The following COL11A1 variants were observed in gnomAD, a reference collection of about 807,000 sequenced individuals.
COL11A1 encodes collagen alpha-1(XI) chain.
In COL11A1, 74 loss-of-function variants were observed where a neutral mutation model predicts 265.2. The observed-to-expected ratio is 0.28, with a 90% CI of 0.23 to 0.34. The LOEUF (loss-of-function observed/expected upper bound fraction) is 0.34. Ranked by LOEUF, COL11A1 falls within the 10% of genes least tolerant of loss-of-function variation. The probability of loss-of-function intolerance (pLI) is 1.00; values close to 1 mark genes in which losing one functional copy is unlikely to be tolerated. For missense variants in COL11A1, 2,165 were observed against 2,263.6 expected (o/e 0.96, Z 0.88); for synonymous variants, 816 against 727.6 (o/e 1.12, Z -1.96).
At chr1:102,966,835 C>A (rs973626225) in intron 37 of COL11A1, among the ~76,000 whole-genome samples, 1 of 152,130 alleles carries the variant, frequency 6.6e-6, no homozygotes, top group Non-Finnish European at 1.5e-5. Flanking sequence ...TATTTATAAA[C>A]CTCTAATCAG....
chr1:102,917,737 G>T (rs1655509114), intron 49 of COL11A1, among the ~76,000 whole-genome samples: 1 of 151,694 alleles, frequency 6.6e-6, no homozygotes, highest in South Asian at 2.1e-4. Context: ...ATGATATGTG[G>T]TAAAAAGATA....
At chr1:102,939,869 C>G (rs969627772) in intron 43 of COL11A1, among the ~76,000 whole-genome samples, 1 of 152,002 alleles carries the variant, frequency 6.6e-6, no homozygotes, top group Non-Finnish European at 1.5e-5. Context: ...ATTTAACACA[C>G]AGCCATACAT....
intron 1 of COL11A1, among the ~76,000 whole-genome samples, chr1:103,084,582 A>T (rs1178762103): frequency 1.4e-5 from 2 of 142,950 alleles, no homozygotes; most frequent in Middle Eastern, 3.4e-3. Flanking sequence ...CACTACATGA[A>T]ATATGCCATT....
chr1:103,020,663 C>A (rs1666970711), intron 9 of COL11A1, among the ~76,000 whole-genome samples: 1 of 84,410 alleles, frequency 1.2e-5, no homozygotes, highest in Non-Finnish European at 2.4e-5. Flanking sequence ...AAGTCCTTGC[C>A]CATGCCTATG....
rs1333807243 is a variant in COL11A1 at position 102,877,346 on chromosome 1, G to A, written c.*673C>T. ...GCAAAATGACTGTCGGCAGAGAAGAGTTGATCAGAGTGTGCTTCCAAAAGT... is the reference window on the plus strand; with the variant it reads ...GCAAAATGACTGTCGGCAGAGAAGAATTGATCAGAGTGTGCTTCCAAAAGT... On this transcript the variant is annotated 3_prime_UTR_variant, in exon 67 of 67. Transcript: ENST00000370096. The A allele has an allele frequency of 6.6e-6, 1 of 152,566 alleles. No homozygotes were observed. The highest frequency in any genetic ancestry group is 2.4e-5 in the African/African-American group (1 of 41,456). The allele number at this position is 152,566 out of a possible 1,614,324, so 9.5% of individuals were successfully genotyped here.
chr1:102,920,489 A>G lies in COL11A1; in HGVS notation c.3709-125T>C, dbSNP rs907544824. 5.3e-6 allele frequency: 4 copies of G among 760,794 alleles called. No individual in the cohort carries two copies. The African/African-American group carries it at 7.0e-5, about 13-fold the overall frequency. 47.1% of individuals were successfully genotyped at this position (760,794 alleles called of 1,614,324 possible). ...ATGAGTATTCTTAGTCATTTAAAGAATGAGACTAAATGATGCTTAATAGAA... is the reference window on the plus strand; with the variant it reads ...ATGAGTATTCTTAGTCATTTAAAGAGTGAGACTAAATGATGCTTAATAGAA... On this transcript the variant is annotated intron_variant, in intron 48 of 66. Transcript: ENST00000370096.
At chr1:102,970,401 G>C in intron 36 of COL11A1, 129 bp from the exon 37 acceptor site, 1 of 655,266 alleles carries the variant, frequency 1.5e-6, no homozygotes. Context: ...CTCTTCTGTT[G>C]ATTTTATATA....
chr1:103,025,892 A>G (rs748086277), intron 6 of COL11A1: 2 of 1,612,620 alleles, frequency 1.2e-6, no homozygotes, highest in Non-Finnish European at 1.7e-6. Context: ...AACTTTTTGG[A>G]TTTTTCCTTT....
At chr1:102,914,620 T>C in intron 51 of COL11A1, 84 bp downstream of exon 51, 1 of 1,083,518 alleles carries the variant, frequency 9.2e-7, no homozygotes, top group African/African-American at 1.6e-5. Flanking sequence ...TGTTCCAGAG[T>C]CTCAGGATTT....
intron 24 of COL11A1, 26 bp from the exon 25 acceptor site, chr1:102,998,389 A>G (rs1664826720): frequency 6.7e-7 from 1 of 1,496,808 alleles, no homozygotes; most frequent in South Asian, 1.3e-5. Context: ...AAAATATTAA[A>G]AAGATAAAAA....
rs551789984 is a variant in COL11A1, at chr1:103,053,615, T to A, written c.651+21003A>T. Among the ~76,000 whole-genome samples the A allele has an allele frequency of 6.0e-4, 91 of 152,252 alleles. 1 individual carries two copies. The highest frequency in any genetic ancestry group is 2.0e-3 in the African/African-American group (85 of 41,564). On this transcript the variant is annotated intron_variant, in intron 4 of 66. Coordinates refer to ENST00000370096, the MANE Select transcript of COL11A1 (RefSeq NM_001854.4). ...TATACATAAAACAGCCAAAAACAGA[T>A]GCGCTTTTGAGTCTTGGCTAAGGAT...
At chr1:103,090,659 C>T (rs781403783) in intron 1 of COL11A1, among the ~76,000 whole-genome samples, 3 of 152,106 alleles carry the variant, frequency 2.0e-5, no homozygotes, top group African/African-American at 7.2e-5. Context: ...GAGAATTAAA[C>T]GCTGTAAGGA....
intron 3 of COL11A1, among the ~76,000 whole-genome samples, chr1:103,075,720 A>C (rs1671924589): frequency 6.6e-6 from 1 of 152,150 alleles, no homozygotes. Context: ...CTAGATTAAT[A>C]TTCCAGAAGT....
intron 49 of COL11A1, among the ~76,000 whole-genome samples, chr1:102,918,968 CACA>C (rs1490755284): frequency 3.3e-5 from 5 of 152,062 alleles, no homozygotes; most frequent in African/African-American, 1.2e-4. Flanking sequence ...GACTAGCTCC[CACA>C]ACAATTGAGT....
chr1:103,089,007 A>ATAAT (rs1673097353), intron 1 of COL11A1, among the ~76,000 whole-genome samples: 1 of 152,214 alleles, frequency 6.6e-6, no homozygotes, highest in Admixed American at 6.5e-5. Flanking sequence ...TAGAACTGGA[A>ATAAT]TAATTTTCAG....
intron 63 of COL11A1, among the ~76,000 whole-genome samples, chr1:102,885,068 A>G (rs1650794071): frequency 6.6e-6 from 1 of 152,042 alleles, no homozygotes; most frequent in South Asian, 2.1e-4. Context: ...AGGTTTCCCT[A>G]CTCGGATTAG....
intron 41 of COL11A1, among the ~76,000 whole-genome samples, chr1:102,951,906 A>T (rs1570841612): frequency 6.6e-6 from 1 of 152,270 alleles, no homozygotes; most frequent in South Asian, 2.1e-4. Flanking sequence ...CCTTAACTGG[A>T]TGCATTATGA....
At chr1:102,930,498 A>C (rs1269423177) in intron 46 of COL11A1, among the ~76,000 whole-genome samples, 2 of 152,020 alleles carry the variant, frequency 1.3e-5, no homozygotes, top group Non-Finnish European at 2.9e-5. Context: ...TTTTGCCAGT[A>C]TTTTATTGAG....
intron 4 of COL11A1, among the ~76,000 whole-genome samples, chr1:103,065,566 AAACAAAC>A (rs1279082839): frequency 4.4e-5 from 2 of 45,954 alleles, no homozygotes; most frequent in Admixed American, 2.3e-4. Context: ...ACAAACAAAC[AAACAAAC>A]AAAAAAAATA....
Sources: gnomAD v4.1 joint callset for allele counts (sites outside exome capture counted in the v4.1 genomes callset) on GRCh38, gnomAD v4.1.1 for gene constraint, MANE v1.5 for transcripts, NCBI Gene and HGNC (gene_info 2026-07-23, HGNC 2026-07-21) for gene names.